The following ARID4A variants were observed in gnomAD, a reference collection of about 807,000 sequenced individuals.
The protein encoded by ARID4A is AT-rich interactive domain-containing protein 4A.
In ARID4A, 39 loss-of-function variants were observed where a neutral mutation model predicts 148.6. That is an observed-to-expected ratio of 0.26 (90% CI 0.20 to 0.34). ARID4A has a LOEUF of 0.34. Ranked by LOEUF, ARID4A falls within the 10% of genes least tolerant of loss-of-function variation. ARID4A has a pLI of 1.00. For missense variants in ARID4A, 1,265 were observed against 1,449.1 expected (o/e 0.87, Z 2.06); for synonymous variants, 475 against 481.2 (o/e 0.99, Z 0.17).
chr14:58,319,013 A>G (rs974907690), intron 7 of ARID4A, among the ~76,000 whole-genome samples: 8 of 152,108 alleles, frequency 5.3e-5, no homozygotes, highest in Admixed American at 2.6e-4. Context: ...CTAATAGATT[A>G]TTTTTGTTTT....
In ARID4A at chr14:58,303,674, C is replaced by T. The variant is rs186646250; in HGVS notation, c.118-1270C>T. ...GAGCAGTGATTCCTAAAGGGTCCCT[C>T]CAGACCAGCAGCATCAGCCTTACTT... On this transcript the variant is annotated intron_variant, in intron 3 of 23. Transcript: ENST00000355431. The T allele has an allele frequency of 6.1e-3, 2,068 of 340,396 alleles. 28 individuals are homozygous for T. Among genetic ancestry groups the T allele is most frequent in the South Asian group, 0.017 (755 of 45,204 alleles). The allele number at this position is 340,396 out of a possible 1,614,324, so 21.1% of individuals were successfully genotyped here.
At chr14:58,341,281 C>G (rs1212549971) in intron 11 of ARID4A, among the ~76,000 whole-genome samples, 1 of 152,254 alleles carries the variant, frequency 6.6e-6, no homozygotes, top group East Asian at 1.9e-4. Flanking sequence ...TCAAGCTTCA[C>G]ATCTAGCCAC....
intron 5 of ARID4A, 24 bp from the exon 6 acceptor site, chr14:58,318,518 T>C: frequency 3.1e-6 from 5 of 1,609,176 alleles, no homozygotes; most frequent in Non-Finnish European, 4.3e-6. Context: ...GCATAAATTC[T>C]CTGTTATCTT....
rs780732984 is a variant in ARID4A, at chr14:58,365,481, T to TA, written c.3212-37_3212-36insA. 37 of 1,213,216 alleles carry TA rather than the reference T, an allele frequency of 3.0e-5. No homozygotes were observed. The African/African-American group carries it at 4.7e-4, about 15-fold the overall frequency. The allele number at this position is 1,213,216 out of a possible 1,614,324, so 75.2% of individuals were successfully genotyped here. ...ATATACTTGCTCTTTTTTTTTTTTT[T>TA]TTTTTTTTCAACATTCTCTCTTTCC... On this transcript the variant is annotated intron_variant, in intron 20 of 23. Coordinates refer to ENST00000355431, the MANE Select transcript of ARID4A (RefSeq NM_002892.4).
chr14:58,361,178 T>G, intron 19 of ARID4A, 136 bp downstream of exon 19: 1 of 1,356,462 alleles, frequency 7.4e-7, no homozygotes. Flanking sequence ...GTGTGAAATA[T>G]TCACAGTACA....
chr14:58,322,980 A>AAAT (rs1255021613), intron 7 of ARID4A, among the ~76,000 whole-genome samples: 64 of 114,276 alleles, frequency 5.6e-4, no homozygotes, highest in South Asian at 8.5e-4. Context: ...AAAAAAAAAA[A>AAAT]ATATATATAT....
intron 8 of ARID4A, among the ~76,000 whole-genome samples, chr14:58,325,867 T>TA (rs779705158): frequency 3.6e-4 from 55 of 152,168 alleles, no homozygotes; most frequent in Non-Finnish European, 7.8e-4. Flanking sequence ...TTTTTTTTTT[T>TA]AATAACAAAT....
intron 7 of ARID4A, among the ~76,000 whole-genome samples, chr14:58,321,509 C>G (rs1427952739): frequency 6.6e-6 from 1 of 152,094 alleles, no homozygotes; most frequent in East Asian, 1.9e-4. Context: ...TCTGGCATGA[C>G]AAGGTATCCT....
intron 7 of ARID4A, 87 bp downstream of exon 7, chr14:58,318,892 G>T: frequency 9.1e-7 from 1 of 1,098,124 alleles, no homozygotes; most frequent in South Asian, 1.4e-5. Context: ...AAATTCATTT[G>T]GGTAAGCTTT....
intron 17 of ARID4A, 86 bp from the exon 18 acceptor site, chr14:58,359,046 G>C: frequency 7.3e-7 from 1 of 1,366,488 alleles, no homozygotes; most frequent in South Asian, 1.4e-5. Context: ...CTGTCTCACT[G>C]TTGTTTTCGT....
chr14:58,364,920 A>C lies in ARID4A; in HGVS notation c.2831A>C (p.Glu944Ala). The change falls in exon 20 of 24, where the codon GAA (glutamate) becomes GCA (alanine). Residue 944 changes from glutamate (E) to alanine (A), a missense_variant. By Grantham distance (107) the Glu-to-Ala change is moderately radical (BLOSUM62 -1). Coordinates refer to ENST00000355431, the MANE Select transcript of ARID4A (RefSeq NM_002892.4). The part of the protein sequence containing the change: ...AEETVNIPLK[E>A]DEDAMPLIGP... ...GAAACTGTAAATATTCCACTAAAAG[A>C]AGATGAGGATGCAATGCCTCTGATC... The C allele has an allele frequency of 6.2e-7, 1 of 1,614,196 alleles. No individual in the cohort carries two copies.
intron 4 of ARID4A, among the ~76,000 whole-genome samples, 169 bp from the exon 5 acceptor site, chr14:58,305,853 A>T (rs74055618): frequency 0.014 from 2,140 of 152,310 alleles, 47 homozygotes; most frequent in African/African-American, 0.049. Flanking sequence ...TGGAGCTCAA[A>T]TTGCATAATA....
intron 8 of ARID4A, among the ~76,000 whole-genome samples, chr14:58,324,480 T>G (rs2033108080): frequency 1.3e-5 from 2 of 151,998 alleles, no homozygotes; most frequent in African/African-American, 4.8e-5. Context: ...TGTAGCCTCA[T>G]GATGTTTCCA....
rs547469687 is a variant in ARID4A, at chr14:58,351,063, C to T, written c.1405-10C>T. 3 of 1,576,292 alleles carry T rather than the reference C, an allele frequency of 1.9e-6. No homozygotes were observed. Among genetic ancestry groups the T allele is most frequent in the South Asian group, 1.2e-5 (1 of 83,460 alleles). ...GATAGCTATTTTAAAGCTTTTATCC[C>T]CTCTACTAGGGACGAAGGAGAATTG... On this transcript the variant is annotated splice_polypyrimidine_tract_variant and intron_variant, in intron 15 of 23. Coordinates refer to ENST00000355431, the MANE Select transcript of ARID4A (RefSeq NM_002892.4).
At chr14:58,350,994 T>A in intron 15 of ARID4A, 79 bp from the exon 16 acceptor site, 1 of 1,439,732 alleles carries the variant, frequency 6.9e-7, no homozygotes, top group Non-Finnish European at 9.3e-7. Flanking sequence ...GCTATGAAGG[T>A]TAAAGGAAAA....
Position 58,365,959 on chromosome 14 carries a change from C to T in ARID4A, c.3317-65C>T, listed in dbSNP as rs553916571. On this transcript the variant is annotated intron_variant, in intron 21 of 23. Coordinates refer to ENST00000355431, the MANE Select transcript of ARID4A (RefSeq NM_002892.4). ...ATACCAAGAAATGTAATTGTTAGGT[C>T]TGTTGCATTTTGATATTTAAGAATT... is the stretch of plus-strand genomic sequence containing the variant. The T allele has an allele frequency of 4.6e-6, 6 of 1,296,126 alleles. No individual in the cohort carries two copies. In the South Asian group the frequency reaches 6.8e-5, roughly 15 times the overall value. 80.3% of individuals were successfully genotyped at this position (1,296,126 alleles called of 1,614,324 possible).
intron 5 of ARID4A, among the ~76,000 whole-genome samples, chr14:58,309,565 G>A (rs2031865638): frequency 6.6e-6 from 1 of 152,142 alleles, no homozygotes; most frequent in African/African-American, 2.4e-5. Context: ...CCAGTTAAAT[G>A]TTACCACTAA....
intron 5 of ARID4A, among the ~76,000 whole-genome samples, chr14:58,308,516 G>C (rs2031779215): frequency 6.6e-6 from 1 of 152,204 alleles, no homozygotes; most frequent in Non-Finnish European, 1.5e-5. Context: ...TTCATAAAAA[G>C]ATTTTGAAAG....
intron 17 of ARID4A, among the ~76,000 whole-genome samples, chr14:58,354,325 C>T (rs758642761): frequency 4.6e-5 from 7 of 152,010 alleles, no homozygotes; most frequent in Admixed American, 2.0e-4. Context: ...AATTCTAAGT[C>T]GACTAATTAA....
Sources: allele counts gnomAD v4.1 joint callset (sites outside exome capture counted in the v4.1 genomes callset), GRCh38; gene constraint gnomAD v4.1.1; transcripts MANE v1.5; gene names NCBI Gene and HGNC (gene_info 2026-07-23, HGNC 2026-07-21).